The following MYO1E variants were observed in gnomAD, a reference collection of about 807,000 sequenced individuals.
The protein encoded by MYO1E is unconventional myosin-Ie.
In MYO1E, 68 loss-of-function variants were observed where a neutral mutation model predicts 151.1. That is an observed-to-expected ratio of 0.45 (90% CI 0.37 to 0.55). MYO1E has a LOEUF of 0.55. MYO1E is among the 20% of genes least tolerant of loss of function. MYO1E has a pLI of 0.00. For synonymous variants in MYO1E, 601 were observed against 501.7 expected (o/e 1.20, Z -2.64); for missense variants, 1,363 against 1,389.3 (o/e 0.98, Z 0.30).
intron 1 of MYO1E, among the ~76,000 whole-genome samples, chr15:59,368,928 C>G (rs1292985179): frequency 1.3e-5 from 2 of 152,200 alleles, no homozygotes; most frequent in Non-Finnish European, 2.9e-5. Flanking sequence ...CTAGGATGGC[C>G]CACTCACACT....
intron 16 of MYO1E, among the ~76,000 whole-genome samples, chr15:59,197,213 G>C (rs375382729): frequency 6.6e-6 from 1 of 151,964 alleles, no homozygotes; most frequent in African/African-American, 2.4e-5. Context: ...GGCTGGTCTC[G>C]AGCTCCTGAC....
intron 1 of MYO1E, among the ~76,000 whole-genome samples, chr15:59,282,496 C>T (rs977420445): frequency 2.6e-5 from 4 of 152,028 alleles, no homozygotes; most frequent in African/African-American, 9.7e-5. Flanking sequence ...GTCCTCTTTC[C>T]CTCACAAACT....
chr15:59,330,708 G>A (rs1247317627), intron 1 of MYO1E, among the ~76,000 whole-genome samples: 2 of 152,116 alleles, frequency 1.3e-5, no homozygotes, highest in African/African-American at 4.8e-5. Flanking sequence ...TGTAGAACAG[G>A]AGTCAGCAAA....
At chr15:59,327,098 A>G (rs1273138968) in intron 1 of MYO1E, among the ~76,000 whole-genome samples, 1 of 151,772 alleles carries the variant, frequency 6.6e-6, no homozygotes, top group Non-Finnish European at 1.5e-5. Flanking sequence ...TAATGATACC[A>G]TCTCCCTTTA....
At chr15:59,264,750 G>A (rs1181824473) in intron 2 of MYO1E, among the ~76,000 whole-genome samples, 1 of 152,214 alleles carries the variant, frequency 6.6e-6, no homozygotes, top group African/African-American at 2.4e-5. Context: ...GCAGGTTGTG[G>A]TGGCTCAAGC....
intron 1 of MYO1E, among the ~76,000 whole-genome samples, chr15:59,363,759 A>G (rs1485726330): frequency 2.0e-5 from 3 of 152,174 alleles, no homozygotes; most frequent in Non-Finnish European, 4.4e-5. Flanking sequence ...GGAGCTTCTC[A>G]TAAGCAGAGG....
intron 1 of MYO1E, among the ~76,000 whole-genome samples, chr15:59,371,374 T>C (rs962565605): frequency 4.6e-5 from 7 of 151,834 alleles, no homozygotes; most frequent in Admixed American, 1.3e-4. Flanking sequence ...GACGAGATAA[T>C]CCACCTAAGC....
At chr15:59,167,636 T>C (rs910931543) in intron 22 of MYO1E, among the ~76,000 whole-genome samples, 20 of 152,222 alleles carry the variant, frequency 1.3e-4, no homozygotes, top group African/African-American at 4.8e-4. Context: ...GAGTCTCCAA[T>C]GAAGCCAGAA....
Position 59,372,732 on chromosome 15 carries a change from T to G in MYO1E, c.-232A>C. On this transcript the variant is annotated 5_prime_UTR_variant, in exon 1 of 28. Transcript: ENST00000288235. ...GCGACTTAGCAGGCGGGGCGCATGCTGCGGAGGGCAAGAGTCCACTCGTAC... is the reference window on the plus strand; with the variant it reads ...GCGACTTAGCAGGCGGGGCGCATGCGGCGGAGGGCAAGAGTCCACTCGTAC... 1.7e-6 allele frequency: 1 copy of G among 576,942 alleles called. No homozygotes were observed. Among genetic ancestry groups the G allele is most frequent in the South Asian group, 2.1e-5 (1 of 46,734 alleles). 35.7% of individuals were successfully genotyped at this position (576,942 alleles called of 1,614,324 possible).
intron 4 of MYO1E, among the ~76,000 whole-genome samples, chr15:59,238,122 T>C (rs1000168802): frequency 3.9e-5 from 6 of 152,122 alleles, no homozygotes; most frequent in African/African-American, 1.4e-4. Context: ...TGGGACGAGG[T>C]GTCACACTCT....
At chr15:59,204,949 G>A (rs768305596) in intron 15 of MYO1E, among the ~76,000 whole-genome samples, 2 of 152,206 alleles carry the variant, frequency 1.3e-5, no homozygotes, top group African/African-American at 4.8e-5. Context: ...GTATTGAAAG[G>A]TAGAAAGCCT....
intron 1 of MYO1E, among the ~76,000 whole-genome samples, chr15:59,318,590 C>G (rs2080604345): frequency 6.6e-6 from 1 of 152,118 alleles, no homozygotes; most frequent in Non-Finnish European, 1.5e-5. Flanking sequence ...CATTGCCAGT[C>G]ATAGACATTT....
chr15:59,249,523 T>C (rs1241359631), intron 4 of MYO1E, among the ~76,000 whole-genome samples: 1 of 152,020 alleles, frequency 6.6e-6, no homozygotes, highest in Non-Finnish European at 1.5e-5. Flanking sequence ...TTGGAAAATA[T>C]GAGTAAGACT....
Position 59,207,170 on chromosome 15 carries a change from C to A in MYO1E, c.1530+1511G>T, listed in dbSNP as rs200393440. 1.5e-5 allele frequency: 24 copies of A among 1,614,114 alleles called. No homozygotes were observed. In the East Asian group the frequency reaches 3.8e-4, roughly 25 times the overall value. ...CACAGTAAGGTCTCCATCATAGGAACTGGATCGGTGGGCATGGCCTGCGCT... is the reference window on the plus strand; with the variant it reads ...CACAGTAAGGTCTCCATCATAGGAAATGGATCGGTGGGCATGGCCTGCGCT... On this transcript the variant is annotated intron_variant, in intron 14 of 27. Transcript: ENST00000288235.
intron 12 of MYO1E, among the ~76,000 whole-genome samples, chr15:59,211,136 G>A (rs1162557803): frequency 6.6e-6 from 1 of 151,140 alleles, no homozygotes; most frequent in African/African-American, 2.4e-5. Flanking sequence ...GAAGGTGGAG[G>A]TTGAAGTGAG....
intron 4 of MYO1E, among the ~76,000 whole-genome samples, chr15:59,242,058 T>C (rs891385217): frequency 5.3e-5 from 8 of 152,260 alleles, no homozygotes; most frequent in African/African-American, 1.7e-4. Flanking sequence ...GGGTTCAGGT[T>C]TGGGGATGCA....
intron 1 of MYO1E, among the ~76,000 whole-genome samples, chr15:59,349,969 G>A (rs936828704): frequency 3.3e-5 from 5 of 152,138 alleles, no homozygotes; most frequent in African/African-American, 9.7e-5. Flanking sequence ...CTAACTTTAG[G>A]GCGATGTGGT....
chr15:59,141,791 T>A (rs1402184908), intron 26 of MYO1E, among the ~76,000 whole-genome samples: 3 of 99,704 alleles, frequency 3.0e-5, no homozygotes, highest in Admixed American at 2.9e-4. Context: ...GAGTAAGACT[T>A]TGTCTCAAAA....
intron 9 of MYO1E, among the ~76,000 whole-genome samples, chr15:59,219,724 A>T (rs1345755957): frequency 6.6e-6 from 1 of 152,228 alleles, no homozygotes; most frequent in Admixed American, 6.5e-5. Flanking sequence ...CTGTTAACAC[A>T]TGTCTAGGAA....
Sources: gnomAD v4.1 joint callset for allele counts (sites outside exome capture counted in the v4.1 genomes callset) on GRCh38, gnomAD v4.1.1 for gene constraint, MANE v1.5 for transcripts, NCBI Gene and HGNC (gene_info 2026-07-23, HGNC 2026-07-21) for gene names.